Variants in SKIC3 observed in about 807,000 individuals in gnomAD.
SKIC3 encodes the protein superkiller complex protein 3.
chr5:95,547,009 G>A, the SKIC3 span: 2 of 1,537,590 alleles, frequency 1.3e-6, no homozygotes, highest in Non-Finnish European at 1.8e-6. Flanking sequence ...AATCAACAAT[G>A]TTTATAAATG....
the SKIC3 span, chr5:95,536,528 T>G: frequency 2.7e-5 from 10 of 366,174 alleles, no homozygotes; most frequent in African/African-American, 1.7e-4. Context: ...TACTCCTGTT[T>G]ACCTAGTTTC....
chr5:95,540,705 AT>A, the SKIC3 span: 1 of 1,614,080 alleles, frequency 6.2e-7, no homozygotes, highest in Non-Finnish European at 8.5e-7. Flanking sequence ...GCTGAGTTTC[AT>A]TATTCTGGTC....
the SKIC3 span, chr5:95,516,779 T>G: frequency 1.2e-6 from 2 of 1,607,972 alleles, no homozygotes; most frequent in South Asian, 2.2e-5. Context: ...AGATTAATTT[T>G]TATTTCTTGG....
the SKIC3 span, among the ~76,000 whole-genome samples, chr5:95,495,944 G>A: frequency 6.6e-6 from 1 of 151,400 alleles, no homozygotes; most frequent in Non-Finnish European, 1.5e-5. Context: ...AAACTGAAAG[G>A]GAAAACTGGA....
At chr5:95,466,706 T>C in the SKIC3 span, among the ~76,000 whole-genome samples, 1 of 152,248 alleles carries the variant, frequency 6.6e-6, no homozygotes, top group Non-Finnish European at 1.5e-5. Context: ...TGGCCATTTT[T>C]ACTTAGCCTT....
chr5:95,512,314 T>C, the SKIC3 span, among the ~76,000 whole-genome samples: 448 of 152,324 alleles, frequency 2.9e-3, 1 homozygote, highest in South Asian at 0.012. Context: ...AAAGCCTTTA[T>C]TAAAGTTTAC....
the SKIC3 span, among the ~76,000 whole-genome samples, chr5:95,509,017 C>T: frequency 6.6e-6 from 1 of 152,000 alleles, no homozygotes; most frequent in African/African-American, 2.4e-5. Context: ...CTATCGATTT[C>T]TCTCTCTCAA....
chr5:95,502,801 G>T, the SKIC3 span: 2 of 1,587,894 alleles, frequency 1.3e-6, no homozygotes, highest in Non-Finnish European at 1.7e-6. Flanking sequence ...AAAACATGAA[G>T]AACTTACGCT....
chr5:95,489,285 A>C, the SKIC3 span, among the ~76,000 whole-genome samples: 1 of 152,024 alleles, frequency 6.6e-6, no homozygotes, highest in African/African-American at 2.4e-5. Flanking sequence ...AAAAAAAAAA[A>C]CAACTAAAAT....
At chr5:95,530,089 C>T in the SKIC3 span, 4 of 1,612,822 alleles carry the variant, frequency 2.5e-6, no homozygotes, top group Non-Finnish European at 3.4e-6. Flanking sequence ...GTACATTTAC[C>T]TTCTGTTAGG....
the SKIC3 span, among the ~76,000 whole-genome samples, chr5:95,542,557 C>T: frequency 6.6e-6 from 1 of 152,108 alleles, no homozygotes; most frequent in Non-Finnish European, 1.5e-5. Flanking sequence ...ATCAGATATC[C>T]TAAACCACTC....
At chr5:95,517,870 C>T in the SKIC3 span, among the ~76,000 whole-genome samples, 1 of 152,014 alleles carries the variant, frequency 6.6e-6, no homozygotes, top group East Asian at 1.9e-4. Context: ...GCTCTGCCTC[C>T]CTAAATGGAT....
the SKIC3 span, among the ~76,000 whole-genome samples, chr5:95,551,036 G>C: frequency 6.6e-6 from 1 of 151,924 alleles, no homozygotes; most frequent in Non-Finnish European, 1.5e-5. Context: ...ACAACTAAGG[G>C]TACTTATTTA....
chr5:95,490,506 T>A, the SKIC3 span, among the ~76,000 whole-genome samples: 282 of 128,118 alleles, frequency 2.2e-3, 2 homozygotes, highest in African/African-American at 3.3e-3. Flanking sequence ...ATATATATAT[T>A]TTTTTTTTTG....
At chr5:95,541,296 T>C in the SKIC3 span, 5 of 1,613,368 alleles carry the variant, frequency 3.1e-6, no homozygotes, top group South Asian at 5.5e-5. Flanking sequence ...CAGAAAATCA[T>C]TCACCAACCT....
the SKIC3 span, among the ~76,000 whole-genome samples, chr5:95,499,093 A>G: frequency 2.0e-5 from 3 of 152,210 alleles, no homozygotes; most frequent in South Asian, 2.1e-4. Context: ...AAAAGCATCA[A>G]TGACTTTTCA....
the SKIC3 span, among the ~76,000 whole-genome samples, chr5:95,510,281 A>C: frequency 1.3e-5 from 2 of 152,238 alleles, no homozygotes; most frequent in Non-Finnish European, 2.9e-5. Flanking sequence ...GTCCTCGTTC[A>C]TTCCTGGGCA....
the SKIC3 span, among the ~76,000 whole-genome samples, chr5:95,483,993 G>GA: frequency 6.6e-6 from 1 of 152,006 alleles, no homozygotes; most frequent in Non-Finnish European, 1.5e-5. Context: ...GAAATCAAAG[G>GA]AAAATACTGC....
the SKIC3 span, chr5:95,528,237 T>C: frequency 6.6e-7 from 1 of 1,524,036 alleles, no homozygotes; most frequent in Non-Finnish European, 9.1e-7. Context: ...TATAATAAAT[T>C]GCAGATACAA....
Sources: allele counts gnomAD v4.1 joint callset (sites outside exome capture counted in the v4.1 genomes callset), GRCh38; gene constraint gnomAD v4.1.1; transcripts MANE v1.5; gene names NCBI Gene and HGNC (gene_info 2026-07-23, HGNC 2026-07-21).